The following ETF1 variants were observed in gnomAD, a reference collection of about 807,000 sequenced individuals.
ETF1 encodes eukaryotic peptide chain release factor subunit 1.
Under a neutral mutation model 55.1 loss-of-function variants are expected in ETF1, and 4 were observed. The ratio of observed to expected loss-of-function variants is 0.07; its 90% confidence interval spans 0.04 to 0.17. ETF1 has a LOEUF of 0.17. ETF1 is among the 10% of genes least tolerant of loss of function. The pLI is 1.00. For synonymous variants in ETF1, 157 were observed against 182.3 expected (o/e 0.86, Z 1.12); for missense variants, 142 against 523.6 (o/e 0.27, Z 7.11).
At chr5:138,518,204 A>C (rs930331274) in intron 3 of ETF1, among the ~76,000 whole-genome samples, 12 of 46,072 alleles carry the variant, frequency 2.6e-4, no homozygotes, top group Admixed American at 4.0e-4. Context: ...GTCTCATCCC[A>C]AAAAAAAAAA....
In ETF1 at chr5:138,516,509, G is replaced by A. The variant is rs186410862; in HGVS notation, c.402+1052C>T. Among the ~76,000 whole-genome samples, 9 of 152,256 alleles carry A rather than the reference G, an allele frequency of 5.9e-5. No individual in the cohort carries two copies. The East Asian group carries it at 1.2e-3, about 20-fold the overall frequency. The stretch of plus-strand genomic sequence containing the variant: ...CAAAAAATTAGCCAGGCATGGTGGT[G>A]CACACCTGTAATCCCAGTTATTCAG... On this transcript the variant is annotated intron_variant, in intron 4 of 10. Transcript: ENST00000360541.
intron 7 of ETF1, 103 bp downstream of exon 7, chr5:138,511,368 TCATA>T: frequency 6.6e-7 from 1 of 1,526,204 alleles, no homozygotes; most frequent in African/African-American, 1.4e-5. Context: ...GTACCTTGTC[TCATA>T]CATACAATCA....
chr5:138,520,851 G>T (rs1003986146), intron 2 of ETF1, among the ~76,000 whole-genome samples: 1 of 152,044 alleles, frequency 6.6e-6, no homozygotes, highest in Non-Finnish European at 1.5e-5. Context: ...TGTTGGTGAG[G>T]ATGTGGAGAA....
chr5:138,524,783 G>A (rs186665120), intron 2 of ETF1, among the ~76,000 whole-genome samples: 3,831 of 151,840 alleles, frequency 0.025, 76 homozygotes, highest in Non-Finnish European at 0.036. Flanking sequence ...TCACCATGTT[G>A]GCCAGGATGG....
At chr5:138,511,700 G>A in intron 6 of ETF1, 96 bp from the exon 7 acceptor site, 8 of 1,436,314 alleles carry the variant, frequency 5.6e-6, no homozygotes, top group Non-Finnish European at 7.3e-6. Context: ...TTAATGGTAT[G>A]CAAAGCTCAG....
In ETF1 at chr5:138,512,262, T is replaced by TA. The variant is rs58527715; in HGVS notation, c.732+501_732+502insT. Among the ~76,000 whole-genome samples the TA allele has an allele frequency of 3.9e-3, 62 of 16,098 alleles. 2 individuals are homozygous for TA. Among genetic ancestry groups the TA allele is most frequent in the African/African-American group, 0.015 (59 of 4,068 alleles). The allele number at this position is 16,098 out of a possible 152,430, so 10.6% of individuals were successfully genotyped here. Reference sequence around the variant, plus strand: ...TATATATATATATATATATATATTTTTTTTTTTTTTTAAAGGCAATTTCTT... The same window carrying TA: ...TATATATATATATATATATATATTTTATTTTTTTTTTTAAAGGCAATTTCTT... On this transcript the variant is annotated intron_variant, in intron 6 of 10. Transcript: ENST00000360541.
rs961967393 is a variant in ETF1 at position 138,518,165 on chromosome 5, T to G, written c.263-465A>C. 5.0e-5 allele frequency among the ~76,000 whole-genome samples: 7 copies of G among 139,548 alleles called. No homozygotes were observed. In the East Asian group the frequency reaches 1.5e-3, roughly 31 times the overall value. The allele number at this position is 139,548 out of a possible 152,430, so 91.5% of individuals were successfully genotyped here. A position where few individuals can be genotyped will look rare whatever the true frequency, so the allele number is the denominator to read the frequency against. The stretch of plus-strand genomic sequence containing the variant: ...TGAGCTGAGATCGGATTACTGCACT[T>G]CAGTCTCTGGGTGACAGAGCAAGAC... On this transcript the variant is annotated intron_variant, in intron 3 of 10. Transcript: ENST00000360541.
At chr5:138,537,589 T>C (rs34882651) in intron 2 of ETF1, among the ~76,000 whole-genome samples, 1 of 152,130 alleles carries the variant, frequency 6.6e-6, no homozygotes, top group Non-Finnish European at 1.5e-5. Flanking sequence ...ATTATTATTG[T>C]TATTATTATT....
chr5:138,536,392 G>A (rs184971254), intron 2 of ETF1, among the ~76,000 whole-genome samples: 13 of 152,284 alleles, frequency 8.5e-5, no homozygotes, highest in African/African-American at 3.1e-4. Flanking sequence ...AAGAGAGTGG[G>A]CAAGGATGTG....
Position 138,517,950 on chromosome 5 carries a change from C to T in ETF1, c.263-250G>A, listed in dbSNP as rs147761185. ...GTGGTGGTGGCTCACGCCTGTAATCCCAGCACTCTGGGAGGCCGAGGTAGG... is the reference window on the plus strand; with the variant it reads ...GTGGTGGTGGCTCACGCCTGTAATCTCAGCACTCTGGGAGGCCGAGGTAGG... On this transcript the variant is annotated intron_variant, in intron 3 of 10. Coordinates refer to ENST00000360541, the MANE Select transcript of ETF1 (RefSeq NM_004730.4). 148 of 934,698 alleles carry T rather than the reference C, an allele frequency of 1.6e-4. 3 individuals carry two copies. The East Asian group carries it at 0.016, about 100-fold the overall frequency. 57.9% of individuals were successfully genotyped at this position (934,698 alleles called of 1,614,324 possible). A position where few individuals can be genotyped will look rare whatever the true frequency, so the allele number is the denominator to read the frequency against.
intron 2 of ETF1, among the ~76,000 whole-genome samples, chr5:138,534,609 T>A (rs987401698): frequency 6.6e-6 from 1 of 152,162 alleles, no homozygotes; most frequent in Non-Finnish European, 1.5e-5. Flanking sequence ...TTTTAAATCT[T>A]TGCACCTGAG....
chr5:138,513,149 TGTAA>T (rs1764881971), intron 5 of ETF1, 195 bp from the exon 6 acceptor site: 2 of 985,198 alleles, frequency 2.0e-6, no homozygotes, highest in African/African-American at 1.7e-5. Context: ...AGAGAGGAGC[TGTAA>T]GTACCAATGA....
chr5:138,522,730 G>A (rs1765284668), intron 2 of ETF1, among the ~76,000 whole-genome samples: 1 of 152,248 alleles, frequency 6.6e-6, no homozygotes, highest in Admixed American at 6.5e-5. Flanking sequence ...ACATTGGCCA[G>A]GTGTGGTGGC....
At chr5:138,508,453 GTAAGGGAA>G (rs1764637791) in intron 10 of ETF1, 66 bp from the exon 11 acceptor site, 8 of 1,603,714 alleles carry the variant, frequency 5.0e-6, no homozygotes, top group Admixed American at 1.7e-5. Flanking sequence ...TAGGTGGCTG[GTAAGGGAA>G]TAAGGGAAGC....
intron 2 of ETF1, among the ~76,000 whole-genome samples, chr5:138,519,699 A>G (rs1765159935): frequency 6.6e-6 from 1 of 151,854 alleles, no homozygotes; most frequent in African/African-American, 2.4e-5. Flanking sequence ...TCACAAACTC[A>G]TTCTCTTTAA....
chr5:138,522,603 GA>G (rs1561836784), intron 2 of ETF1, among the ~76,000 whole-genome samples: 1 of 150,944 alleles, frequency 6.6e-6, no homozygotes, highest in African/African-American at 2.4e-5. Flanking sequence ...CAAAACAAAC[GA>G]AAAAAAGAAA....
chr5:138,510,703 G>A (rs776028968), intron 8 of ETF1, 74 bp from the exon 9 acceptor site: 34 of 1,573,858 alleles, frequency 2.2e-5, no homozygotes, highest in Non-Finnish European at 2.8e-5. Flanking sequence ...ATAAGATGAG[G>A]TTAGATGAGA....
In ETF1 at chr5:138,512,258, A is replaced by ATT. The variant is rs58936942; in HGVS notation, c.732+504_732+505dup. Among the ~76,000 whole-genome samples, 39 of 20,016 alleles carry ATT rather than the reference A, an allele frequency of 1.9e-3. 2 individuals carry two copies. Among genetic ancestry groups the ATT allele is most frequent in the South Asian group, 0.01 (3 of 290 alleles). The allele number at this position is 20,016 out of a possible 152,430, so 13.1% of individuals were successfully genotyped here. A position where few individuals can be genotyped will look rare whatever the true frequency, so the allele number is the denominator to read the frequency against. ...TATATATATATATATATATATATAT[A>ATT]TTTTTTTTTTTTTTTAAAGGCAATT... On this transcript the variant is annotated intron_variant, in intron 6 of 10. Coordinates refer to ENST00000360541, the MANE Select transcript of ETF1 (RefSeq NM_004730.4).
At chr5:138,533,489 C>A (rs1765787893) in intron 2 of ETF1, among the ~76,000 whole-genome samples, 1 of 151,994 alleles carries the variant, frequency 6.6e-6, no homozygotes, top group Admixed American at 6.6e-5. Context: ...AGATCGAGAC[C>A]ATCCTGGCCA....
Sources: allele counts gnomAD v4.1 joint callset (sites outside exome capture counted in the v4.1 genomes callset), GRCh38; gene constraint gnomAD v4.1.1; transcripts MANE v1.5; gene names NCBI Gene and HGNC (gene_info 2026-07-23, HGNC 2026-07-21).